The following SCN10A variants were observed in gnomAD, a reference collection of about 807,000 sequenced individuals.
SCN10A encodes sodium voltage-gated channel alpha subunit 10.
In SCN10A, 162 loss-of-function variants were observed where a neutral mutation model predicts 170.7. The observed-to-expected ratio is 0.95, with a 90% confidence interval of 0.84 to 1.08. The LOEUF (loss-of-function observed/expected upper bound fraction) is 1.08, where lower values mean the gene tolerates loss of function less well. Among genes scored for constraint, SCN10A ranks in the 50% least tolerant of loss-of-function variants. The pLI, the probability that SCN10A is intolerant of heterozygous loss-of-function variation, is 0.00. For synonymous variants in SCN10A, 985 were observed against 904.6 expected (o/e 1.09, Z -1.59); for missense variants, 2,527 against 2,436.9 (o/e 1.04, Z -0.78).
At chr3:38,754,045 AGTGG>A (rs2063776701) in intron 11 of SCN10A, among the ~76,000 whole-genome samples, 1 of 152,232 alleles carries the variant, frequency 6.6e-6, no homozygotes, top group Non-Finnish European at 1.5e-5. Flanking sequence ...TGCCTTCCTG[AGTGG>A]GCTCCAATAA....
rs1212008024 is a variant in SCN10A at position 38,802,131 on chromosome 3, G to A, written c.-32-8089C>T. ...CCTCAAATCTTCCTCCCTTGTGCCA[G>A]ACACTTTTTTACACTCTGGAGATAT... On this transcript the variant is annotated intron_variant, in intron 1 of 27. Coordinates refer to ENST00000449082, the MANE Select transcript of SCN10A (RefSeq NM_006514.4). 2.0e-5 allele frequency among the ~76,000 whole-genome samples: 3 copies of A among 152,072 alleles called. No individual in the cohort carries two copies. The East Asian group carries it at 5.8e-4, about 29-fold the overall frequency.
chr3:38,801,797 C>T (rs2064372769), intron 1 of SCN10A, among the ~76,000 whole-genome samples: 1 of 152,136 alleles, frequency 6.6e-6, no homozygotes, highest in South Asian at 2.1e-4. Flanking sequence ...TAAGATTTTA[C>T]CTGTGTAGGA....
chr3:38,708,842 C>G (rs1271724520), intron 25 of SCN10A, among the ~76,000 whole-genome samples: 1 of 152,202 alleles, frequency 6.6e-6, no homozygotes, highest in African/African-American at 2.4e-5. Context: ...GTGACTTATC[C>G]ATGTAGCCCC....
At chr3:38,791,452 T>C (rs1318899478) in intron 3 of SCN10A, among the ~76,000 whole-genome samples, 6 of 152,204 alleles carry the variant, frequency 3.9e-5, no homozygotes, top group African/African-American at 1.4e-4. Flanking sequence ...CATCAGATTA[T>C]TGACATTTTA....
At chr3:38,711,382 C>T (rs1319935567) in intron 23 of SCN10A, among the ~76,000 whole-genome samples, 1 of 152,194 alleles carries the variant, frequency 6.6e-6, no homozygotes, top group Non-Finnish European at 1.5e-5. Context: ...GTGTGCCTTC[C>T]AGCATGTTCA....
At chr3:38,766,752 T>C (rs980622376) in intron 5 of SCN10A, among the ~76,000 whole-genome samples, 2 of 152,128 alleles carry the variant, frequency 1.3e-5, no homozygotes, top group African/African-American at 4.8e-5. Flanking sequence ...ATAAAATGAT[T>C]TAGGAGGATT....
rs1553623408 is a variant in SCN10A, at chr3:38,772,334, A to AAAAG, written c.471-928_471-927insCTTT. ...CAACCAAACAACTGAAAAAAAAAAA[A>AAAAG]AAAAGAAAAGAAAAGAAAAGAAAAA... is the stretch of plus-strand genomic sequence containing the variant. On this transcript the variant is annotated intron_variant, in intron 4 of 27. Transcript: ENST00000449082. 1.5e-4 allele frequency among the ~76,000 whole-genome samples: 22 copies of AAAAG among 151,068 alleles called. No individual in the cohort carries two copies. In the East Asian group the frequency reaches 3.7e-3, roughly 25 times the overall value.
intron 24 of SCN10A, 62 bp downstream of exon 24, chr3:38,710,782 C>A: frequency 6.7e-7 from 1 of 1,502,956 alleles, no homozygotes; most frequent in South Asian, 1.2e-5. Context: ...ATTTCAAATG[C>A]AGACTGATAT....
Position 38,761,336 on chromosome 3 carries a change from C to T in SCN10A, c.739G>A (p.Ala247Thr). The change falls in exon 7 of 28, where the codon GCT (alanine) becomes ACT (threonine). Residue 247 changes from alanine (A) to threonine (T), a missense_variant. Ala to Thr is a moderately conservative substitution (Grantham distance 58). Coordinates refer to ENST00000449082, the MANE Select transcript of SCN10A (RefSeq NM_006514.4). ...GALIHSVKKL[A>T]DVTILTIFCL... ...AAGATGGTGAGGATGGTCACATCAG[C>T]CAGTTTCTTCACTGAGTGAATCAGG... 6.2e-7 allele frequency: 1 copy of T among 1,613,798 alleles called. No homozygotes were observed. Among genetic ancestry groups the T allele is most frequent in the Non-Finnish European group, 8.5e-7 (1 of 1,179,804 alleles).
At chr3:38,761,110 A>T in intron 7 of SCN10A, 82 bp downstream of exon 7, 4 of 1,148,180 alleles carry the variant, frequency 3.5e-6, no homozygotes, top group Non-Finnish European at 5.0e-6. Flanking sequence ...ATACACACAC[A>T]CAGGGGCTCC....
At chr3:38,799,500 T>C (rs562115001) in intron 1 of SCN10A, among the ~76,000 whole-genome samples, 1 of 152,306 alleles carries the variant, frequency 6.6e-6, no homozygotes, top group Non-Finnish European at 1.5e-5. Context: ...ATTGTTCTTT[T>C]TATTATGTAA....
chr3:38,725,148 C>A (rs1345748770), intron 18 of SCN10A, 26 bp downstream of exon 18: 69 of 1,556,036 alleles, frequency 4.4e-5, no homozygotes, highest in Non-Finnish European at 6.0e-5. Context: ...GGCTGTCCAA[C>A]CTCTCCAGGA....
chr3:38,756,603 G>A lies in SCN10A; in HGVS notation c.1290+71C>T. On this transcript the variant is annotated intron_variant, in intron 10 of 27. Transcript: ENST00000449082. ...CCTAAACGGTGCCCTAATTGAAGTG[G>A]CTAGTCCAGAACAGTATCCAAGAAT... 5 of 1,268,668 alleles carry A rather than the reference G, an allele frequency of 3.9e-6. No individual in the cohort carries two copies. The South Asian group carries it at 6.0e-5, about 15-fold the overall frequency. The allele number at this position is 1,268,668 out of a possible 1,614,324, so 78.6% of individuals were successfully genotyped here.
chr3:38,751,942 G>A (rs147748936), intron 12 of SCN10A, among the ~76,000 whole-genome samples: 1 of 152,172 alleles, frequency 6.6e-6, no homozygotes, highest in Non-Finnish European at 1.5e-5. Flanking sequence ...TGTTGAGTGG[G>A]GACAGAGAAG....
At chr3:38,766,108 C>CATTTATTAG (rs955328647) in intron 5 of SCN10A, among the ~76,000 whole-genome samples, 1 of 151,656 alleles carries the variant, frequency 6.6e-6, no homozygotes, top group African/African-American at 2.4e-5. Context: ...TTACTGAATT[C>CATTTATTAG]ATTTATTAGA....
At chr3:38,702,942 C>G (rs2063171943) in intron 26 of SCN10A, among the ~76,000 whole-genome samples, 1 of 152,154 alleles carries the variant, frequency 6.6e-6, no homozygotes, top group Admixed American at 6.5e-5. Context: ...TTGATCCCAA[C>G]CCCATTCCCC....
At chr3:38,737,436 T>C (rs542806189) in intron 15 of SCN10A, among the ~76,000 whole-genome samples, 18 of 152,260 alleles carry the variant, frequency 1.2e-4, no homozygotes, top group Middle Eastern at 3.4e-3. Flanking sequence ...CTTCTAAAAA[T>C]GTGATTTAAT....
intron 12 of SCN10A, among the ~76,000 whole-genome samples, chr3:38,751,638 CAATGAGG>C (rs2063747962): frequency 6.6e-6 from 1 of 152,210 alleles, no homozygotes; most frequent in South Asian, 2.1e-4. Flanking sequence ...GCTCCCAATC[CAATGAGG>C]AATCCCTGAC....
rs1388333952 is a variant in SCN10A at position 38,760,705 on chromosome 3, A to G, written c.926T>C (p.Leu309Pro). The change falls in exon 8 of 28, where the codon CTG (leucine) becomes CCG (proline). Residue 309 changes from leucine to proline, a missense_variant. Transcript: ENST00000449082. ...CCCTGAGTCAGATCCATTGCCACAC[A>G]GTAAGGGGTCAGAAGTGCCTCGCTT... ...INKRGTSDPL[L>P]CGNGSDSGHC... 1.9e-6 allele frequency: 3 copies of G among 1,614,130 alleles called. No homozygotes were observed. Among genetic ancestry groups the G allele is most frequent in the Non-Finnish European group, 2.5e-6 (3 of 1,179,940 alleles).
Sources: gnomAD v4.1 joint callset for allele counts (sites outside exome capture counted in the v4.1 genomes callset) on GRCh38, gnomAD v4.1.1 for gene constraint, MANE v1.5 for transcripts, NCBI Gene and HGNC (gene_info 2026-07-23, HGNC 2026-07-21) for gene names.